ANKS1B: variants seen among roughly 807,000 people sequenced by gnomAD.
ANKS1B encodes the protein ankyrin repeat and sterile alpha motif domain-containing protein 1B.
ANKS1B carries 36 observed loss-of-function variants against 148.3 expected under a neutral mutation model. The observed-to-expected ratio is 0.24, with a 90% CI of 0.19 to 0.32. The LOEUF (loss-of-function observed/expected upper bound fraction) is 0.32, where lower values mean the gene tolerates loss of function less well. Among genes scored for constraint, ANKS1B ranks in the 10% least tolerant of loss-of-function variants. The pLI is 1.00. For missense variants in ANKS1B, 1,157 were observed against 1,542.6 expected, an observed-to-expected ratio of 0.75 and a Z score of 4.19; for synonymous variants, 542 against 560.8, an observed-to-expected ratio of 0.97 and a Z score of 0.47.
intron 10 of ANKS1B, among the ~76,000 whole-genome samples, chr12:99,491,847 G>A (rs1437590718): frequency 6.6e-6 from 1 of 152,108 alleles, no homozygotes; most frequent in Non-Finnish European, 1.5e-5. Flanking sequence ...AAATCAAGAT[G>A]TTCTTTGAAA....
chr12:99,920,159 C>T (rs2094308022), intron 1 of ANKS1B, among the ~76,000 whole-genome samples: 1 of 152,030 alleles, frequency 6.6e-6, no homozygotes, highest in African/African-American at 2.4e-5. Context: ...GTATGAGGGC[C>T]CCACTATCCT....
chr12:99,613,593 G>C (rs2097920160), intron 9 of ANKS1B, among the ~76,000 whole-genome samples: 1 of 152,100 alleles, frequency 6.6e-6, no homozygotes, highest in East Asian at 1.9e-4. Flanking sequence ...TTAGAAAATG[G>C]ATGCAGGAAC....
chr12:99,941,508 T>C (rs1258464132), intron 1 of ANKS1B, among the ~76,000 whole-genome samples: 2 of 151,642 alleles, frequency 1.3e-5, no homozygotes, highest in Non-Finnish European at 2.9e-5. Flanking sequence ...ATAAAATCAA[T>C]AGAACAATCA....
chr12:98,886,733 G>C (rs545996716), intron 17 of ANKS1B, among the ~76,000 whole-genome samples: 1 of 152,034 alleles, frequency 6.6e-6, no homozygotes, highest in Admixed American at 6.6e-5. Flanking sequence ...ACCTACAAAG[G>C]GTGGCCTCAG....
chr12:99,982,180 T>A lies in ANKS1B; in HGVS notation c.134+1924A>T, dbSNP rs541029737. On this transcript the variant is annotated intron_variant, in intron 1 of 26. Coordinates refer to ENST00000683438, the MANE Select transcript of ANKS1B (RefSeq NM_001352186.2). ...GTTTACTTTTGTTTTCTATGTGCAA[T>A]CTTTGTTGTAGAGCTACTACTACTA... Among the ~76,000 whole-genome samples, 8 of 152,240 alleles carry A rather than the reference T, an allele frequency of 5.3e-5. No homozygotes were observed. The East Asian group carries it at 1.5e-3, about 29-fold the overall frequency.
intron 4 of ANKS1B, among the ~76,000 whole-genome samples, chr12:99,794,371 T>C (rs538563803): frequency 2.4e-4 from 36 of 151,760 alleles, no homozygotes; most frequent in Non-Finnish European, 4.6e-4. Context: ...ATTTACAATC[T>C]CATGTTTGTT....
At chr12:99,086,370 T>C (rs2051802759) in intron 15 of ANKS1B, among the ~76,000 whole-genome samples, 1 of 152,140 alleles carries the variant, frequency 6.6e-6, no homozygotes, top group Non-Finnish European at 1.5e-5. Flanking sequence ...TGTTCTGGGA[T>C]AATATGGAGA....
intron 8 of ANKS1B, among the ~76,000 whole-genome samples, chr12:99,662,944 T>C (rs1234605380): frequency 6.6e-6 from 1 of 152,120 alleles, no homozygotes; most frequent in African/African-American, 2.4e-5. Flanking sequence ...CTCTTTATTA[T>C]GCAAGCAATT....
rs898052105 is a variant in ANKS1B at position 99,401,450 on chromosome 12, C to T, written c.1576-1639G>A. The stretch of plus-strand genomic sequence containing the variant: ...TTCTTCTCATAAATTTTATAAAGGT[C>T]AAGCCAAATGATATATATGATTCCC... On this transcript the variant is annotated intron_variant, in intron 11 of 26. Transcript: ENST00000683438. 6.2e-5 allele frequency among the ~76,000 whole-genome samples: 9 copies of T among 146,162 alleles called. 2 individuals are homozygous for T. Among genetic ancestry groups the T allele is most frequent in the African/African-American group, 2.3e-4 (9 of 38,548 alleles).
chr12:99,148,053 G>T (rs1339466233), intron 15 of ANKS1B, among the ~76,000 whole-genome samples: 1 of 152,060 alleles, frequency 6.6e-6, no homozygotes, highest in African/African-American at 2.4e-5. Flanking sequence ...GGAGGTCACT[G>T]CCACTGAACA....
At chr12:99,702,418 T>C (rs1311664360) in intron 8 of ANKS1B, among the ~76,000 whole-genome samples, 1 of 152,162 alleles carries the variant, frequency 6.6e-6, no homozygotes, top group Non-Finnish European at 1.5e-5. Context: ...GTTGTTTGAG[T>C]TCCTTATACA....
chr12:99,727,365 A>G (rs947401568), intron 8 of ANKS1B, among the ~76,000 whole-genome samples: 1 of 152,046 alleles, frequency 6.6e-6, no homozygotes, highest in African/African-American at 2.4e-5. Context: ...AGAGGACCAA[A>G]TCACAAATGA....
intron 14 of ANKS1B, among the ~76,000 whole-genome samples, chr12:99,156,293 C>T (rs1452681702): frequency 2.6e-5 from 4 of 152,120 alleles, no homozygotes; most frequent in Admixed American, 2.0e-4. Flanking sequence ...TGATTTTGTT[C>T]TCATAGTTCA....
intron 17 of ANKS1B, among the ~76,000 whole-genome samples, chr12:98,899,711 T>A (rs1251252439): frequency 6.6e-6 from 1 of 152,180 alleles, no homozygotes; most frequent in Non-Finnish European, 1.5e-5. Context: ...TGTATATGTC[T>A]CCTACTGGTT....
chr12:99,453,095 C>A (rs569026665), intron 10 of ANKS1B, among the ~76,000 whole-genome samples: 2 of 150,962 alleles, frequency 1.3e-5, no homozygotes, highest in South Asian at 4.7e-4. Flanking sequence ...TCGAGACCAT[C>A]CTGGCTAACA....
intron 8 of ANKS1B, among the ~76,000 whole-genome samples, chr12:99,752,412 T>C (rs1165271005): frequency 1.3e-5 from 2 of 152,014 alleles, no homozygotes; most frequent in East Asian, 1.9e-4. Flanking sequence ...CCATAAAACA[T>C]GGAAATGCCT....
At chr12:99,529,548 G>A (rs919877607) in intron 9 of ANKS1B, among the ~76,000 whole-genome samples, 1 of 151,854 alleles carries the variant, frequency 6.6e-6, no homozygotes, top group African/African-American at 2.4e-5. Flanking sequence ...AGCTACTTGG[G>A]AGGCTGAGGG....
At chr12:99,916,981 T>A (rs967705900) in intron 1 of ANKS1B, among the ~76,000 whole-genome samples, 2 of 152,258 alleles carry the variant, frequency 1.3e-5, no homozygotes, top group African/African-American at 4.8e-5. Context: ...TCACTCATGT[T>A]GAACTGAAAA....
At chr12:98,830,583 C>T (rs1361169858) in intron 18 of ANKS1B, among the ~76,000 whole-genome samples, 3 of 152,184 alleles carry the variant, frequency 2.0e-5, no homozygotes, top group Non-Finnish European at 4.4e-5. Context: ...ATGCTGTTTG[C>T]TGAAGTTTAT....
Sources: gnomAD v4.1 joint callset for allele counts (sites outside exome capture counted in the v4.1 genomes callset) on GRCh38, gnomAD v4.1.1 for gene constraint, MANE v1.5 for transcripts, NCBI Gene and HGNC (gene_info 2026-07-23, HGNC 2026-07-21) for gene names.